Variants in GTF3C3 observed in about 807,000 individuals in gnomAD.
The protein encoded by GTF3C3 is general transcription factor IIIC subunit 3, also known as general transcription factor 3C polypeptide 3.
Under a neutral mutation model 105.2 loss-of-function variants are expected in GTF3C3, and 75 were observed. That is an observed-to-expected ratio of 0.71 (90% CI 0.59 to 0.86). GTF3C3 has a LOEUF of 0.86. GTF3C3 is among the 40% of genes least tolerant of loss of function. The pLI is 0.00. For synonymous variants in GTF3C3, 335 were observed against 370.4 expected (o/e 0.90, Z 1.10); for missense variants, 856 against 1,076.5 (o/e 0.80, Z 2.87).
chr2:196,779,255 G>A (rs1219237073), intron 9 of GTF3C3, among the ~76,000 whole-genome samples, 188 bp from the exon 10 acceptor site: 1 of 151,836 alleles, frequency 6.6e-6, no homozygotes, highest in African/African-American at 2.4e-5. Flanking sequence ...AGCTTCCTGA[G>A]TAGCTGGGAT....
Position 196,799,552 on chromosome 2 carries a change from C to T in GTF3C3, c.60G>A (p.Glu20=). 1 of 1,614,194 alleles carries T rather than the reference C, an allele frequency of 6.2e-7. No individual in the cohort carries two copies. The highest frequency in any genetic ancestry group is 8.5e-7 in the Non-Finnish European group (1 of 1,180,014). The change falls in exon 1 of 18, where the codon GAG becomes GAA. Residue 20 remains glutamate (E), a synonymous_variant. Coordinates refer to ENST00000263956, the MANE Select transcript of GTF3C3 (RefSeq NM_012086.5). ...TTCTCTCTTCTCTCCGCCGTTCGAACTCCTCAAAGGAGATTTTCCCTTCCA... is the reference window on the plus strand; with the variant it reads ...TTCTCTCTTCTCTCCGCCGTTCGAATTCCTCAAAGGAGATTTTCCCTTCCA... ...DYLEGKISFE[E]FERRREERKT...
chr2:196,796,910 C>T (rs758201028), intron 2 of GTF3C3, among the ~76,000 whole-genome samples: 1 of 152,158 alleles, frequency 6.6e-6, no homozygotes, highest in African/African-American at 2.4e-5. Context: ...AAACTGTAAC[C>T]CCCAGTTTTC....
At chr2:196,797,011 T>C (rs1347068120) in intron 2 of GTF3C3, among the ~76,000 whole-genome samples, 1 of 152,222 alleles carries the variant, frequency 6.6e-6, no homozygotes, top group African/African-American at 2.4e-5. Flanking sequence ...GTCTGTTCTC[T>C]GTGTAAACAC....
intron 17 of GTF3C3, among the ~76,000 whole-genome samples, chr2:196,765,763 C>A (rs1393481153): frequency 2.0e-5 from 3 of 151,810 alleles, no homozygotes; most frequent in Non-Finnish European, 4.4e-5. Context: ...GTAATCCCAG[C>A]ACTTTGGGAG....
chr2:196,766,182 T>G (rs1337684850), intron 17 of GTF3C3, among the ~76,000 whole-genome samples: 1 of 152,120 alleles, frequency 6.6e-6, no homozygotes, highest in African/African-American at 2.4e-5. Flanking sequence ...TGGCAACACT[T>G]TACCCTATCT....
chr2:196,777,367 A>T (rs904117632), intron 10 of GTF3C3, among the ~76,000 whole-genome samples: 1 of 152,212 alleles, frequency 6.6e-6, no homozygotes, highest in African/African-American at 2.4e-5. Context: ...GTTCCTGAGT[A>T]TAAGTTCTCA....
intron 8 of GTF3C3, among the ~76,000 whole-genome samples, chr2:196,781,350 AAAAAAAAATATATATAT>A (rs1481214092): frequency 5.6e-5 from 5 of 89,952 alleles, no homozygotes; most frequent in Non-Finnish European, 1.1e-4. Context: ...GGGAAAAAAA[AAAAAAAAATATATATAT>A]ATATATATAT....
chr2:196,797,839 CTGA>C lies in GTF3C3; in HGVS notation c.169_171del (p.Ser57del). 1 of 1,611,874 alleles carries C rather than the reference CTGA, an allele frequency of 6.2e-7. No individual in the cohort carries two copies. Among genetic ancestry groups the C allele is most frequent in the Non-Finnish European group, 8.5e-7 (1 of 1,177,964 alleles). ...TCTTGGGATTTGGTAGAGTTAATTCCTGATGATGATGGAACTTCAGAGTCATCG... is the reference window on the plus strand; with the variant it reads ...TCTTGGGATTTGGTAGAGTTAATTCCTGATGATGGAACTTCAGAGTCATCG... On this transcript the variant is annotated inframe_deletion, in exon 2 of 18. Transcript: ENST00000263956.
rs7587460 is a variant in GTF3C3 at position 196,776,288 on chromosome 2, T to A, written c.1593+139A>T. ...AACCCAACCAGTGGCTGAAATCCAATACTTAAAATCATTTTTCAAAAACTT... is the reference window on the plus strand; with the variant it reads ...AACCCAACCAGTGGCTGAAATCCAAAACTTAAAATCATTTTTCAAAAACTT... On this transcript the variant is annotated intron_variant, in intron 11 of 17. Transcript: ENST00000263956. This position sits in a 1 kb window ranked among gnomAD's most constrained non-coding sequence, Gnocchi z 4.5. 0.088 allele frequency: 66,022 copies of A among 753,908 alleles called. 3,591 individuals carry two copies. The highest frequency in any genetic ancestry group is 0.19 in the African/African-American group (10,629 of 57,074). 46.7% of individuals were successfully genotyped at this position (753,908 alleles called of 1,614,324 possible).
In GTF3C3 at chr2:196,793,076, CTCA is replaced by C. The variant is rs745717255; in HGVS notation, c.288_290del (p.Asp96del). On this transcript the variant is annotated inframe_deletion, in exon 3 of 18. Coordinates refer to ENST00000263956, the MANE Select transcript of GTF3C3 (RefSeq NM_012086.5). ...CCTCCTCCTCTTCTTCCTCTTCCTC[CTCA>C]TCATCTTCATTCTCTCCAAGCATGG... The C allele has an allele frequency of 4.8e-5, 78 of 1,613,356 alleles. No homozygotes were observed. Among genetic ancestry groups the C allele is most frequent in the Non-Finnish European group, 6.1e-5 (72 of 1,179,548 alleles).
chr2:196,765,293 A>C (rs545165390), intron 17 of GTF3C3, among the ~76,000 whole-genome samples: 121 of 152,284 alleles, frequency 7.9e-4, no homozygotes, highest in African/African-American at 2.9e-3. Context: ...AATCTTCCCC[A>C]ATACAAAAAC....
rs1233700465 is a variant in GTF3C3 at position 196,771,818 on chromosome 2, TG to T, written c.2189del (p.Pro730GlnfsTer9). On this transcript the variant is annotated frameshift_variant, in exon 15 of 18. Transcript: ENST00000263956. LOFTEE classifies it high-confidence loss of function. ...TTAAGACACATAGGGCATGATTTTCTGGGTTTTTCAGCATCAAACGGAGACA... is the reference window on the plus strand; with the variant it reads ...TTAAGACACATAGGGCATGATTTTCTGGTTTTTCAGCATCAAACGGAGACA... ...RFCLRLMLKNPENHALCVLNG... is the reference protein window; with the variant it reads ...RFCLRLMLKNXENHALCVLNG... 1 of 1,613,460 alleles carries T rather than the reference TG, an allele frequency of 6.2e-7. No individual in the cohort carries two copies. Among genetic ancestry groups the T allele is most frequent in the Admixed American group, 1.7e-5 (1 of 60,026 alleles).
At chr2:196,768,208 T>C (rs1699106632) in intron 16 of GTF3C3, among the ~76,000 whole-genome samples, 1 of 150,898 alleles carries the variant, frequency 6.6e-6, no homozygotes, top group Non-Finnish European at 1.5e-5. Flanking sequence ...ATTAAGACCA[T>C]GTTTCACCAT....
chr2:196,773,284 G>A (rs2125740944), intron 13 of GTF3C3, 131 bp from the exon 14 acceptor site: 1 of 657,190 alleles, frequency 1.5e-6, no homozygotes, highest in East Asian at 2.6e-5. Flanking sequence ...GTGCTCTCCG[G>A]ACAAAGATGA....
intron 9 of GTF3C3, 39 bp downstream of exon 9, chr2:196,780,520 T>A (rs762994940): frequency 2.5e-6 from 4 of 1,589,970 alleles, no homozygotes; most frequent in Middle Eastern, 1.7e-4. Context: ...GATGGTGCAT[T>A]TGATCTGAAG....
intron 17 of GTF3C3, 103 bp from the exon 18 acceptor site, chr2:196,764,788 G>T (rs1699032188): frequency 2.0e-6 from 2 of 1,022,138 alleles, no homozygotes; most frequent in Middle Eastern, 2.2e-4. Flanking sequence ...GTTTTCAAAA[G>T]GTATTAAAGC....
intron 1 of GTF3C3, among the ~76,000 whole-genome samples, chr2:196,798,183 TAAATA>T (rs904278368): frequency 7.2e-5 from 11 of 151,878 alleles, no homozygotes; most frequent in African/African-American, 2.4e-4. Context: ...TAAAAAAAAA[TAAATA>T]AAATATCTTA....
In GTF3C3 at chr2:196,764,097, A is replaced by ATAAT. The variant is rs1438887615; in HGVS notation, c.*462_*465dup. On this transcript the variant is annotated 3_prime_UTR_variant, in exon 18 of 18. Transcript: ENST00000263956. ...TCTGCCTACCACATAACTATTTTAAATAATTTTCTTAGGTGCTTAGTTATC... is the reference window on the plus strand; with the variant it reads ...TCTGCCTACCACATAACTATTTTAAATAATTAATTTTCTTAGGTGCTTAGTTATC... 3.3e-5 allele frequency: 5 copies of ATAAT among 152,306 alleles called. No individual in the cohort carries two copies. The highest frequency in any genetic ancestry group is 5.9e-5 in the Non-Finnish European group (4 of 68,078). The allele number at this position is 152,306 out of a possible 1,614,324, so 9.4% of individuals were successfully genotyped here.
intron 5 of GTF3C3, 103 bp from the exon 6 acceptor site, chr2:196,789,472 A>G (rs1464598938): frequency 9.9e-6 from 7 of 706,754 alleles, no homozygotes; most frequent in Non-Finnish European, 1.6e-5. Flanking sequence ...TAATCCATCA[A>G]ATGGAACCAA....
Sources: allele counts gnomAD v4.1 joint callset (sites outside exome capture counted in the v4.1 genomes callset), GRCh38; gene constraint gnomAD v4.1.1; non-coding constraint Gnocchi (gnomAD v3.1); transcripts MANE v1.5; gene names NCBI Gene and HGNC (gene_info 2026-07-23, HGNC 2026-07-21).